The following ZNF423 variants were observed in gnomAD, a reference collection of about 807,000 sequenced individuals.
The protein encoded by ZNF423 is Ebf-associated zinc finger protein.
ZNF423 carries 12 observed loss-of-function variants against 95.8 expected under a neutral mutation model. The observed-to-expected ratio is 0.13, with a 90% CI of 0.08 to 0.20. The LOEUF (loss-of-function observed/expected upper bound fraction) is 0.20. Among genes scored for constraint, ZNF423 ranks in the 10% least tolerant of loss-of-function variants. The probability of loss-of-function intolerance (pLI) is 1.00; values close to 1 mark genes in which losing one functional copy is unlikely to be tolerated. For synonymous variants in ZNF423, 749 were observed against 711.9 expected, an observed-to-expected ratio of 1.05 and a Z score of -0.83; for missense variants, 1,316 against 1,737.1, an observed-to-expected ratio of 0.76 and a Z score of 4.31.
chr16:49,859,024 G>A (rs2035403107), upstream of ZNF423, among the ~76,000 whole-genome samples: 1 of 152,214 alleles, frequency 6.6e-6, no homozygotes, highest in Admixed American at 6.5e-5. Flanking sequence ...GCCCGCCCAG[G>A]CTTTCTGGGG....
intron 7 of ZNF423, among the ~76,000 whole-genome samples, chr16:49,495,229 A>T (rs1259888755): frequency 6.6e-6 from 1 of 152,236 alleles, no homozygotes; most frequent in Non-Finnish European, 1.5e-5. Context: ...CCATCCACTC[A>T]GCAGAGCTCG....
intron 5 of ZNF423, among the ~76,000 whole-genome samples, chr16:49,567,999 G>A (rs1473996723): frequency 6.6e-6 from 1 of 152,184 alleles, no homozygotes; most frequent in Non-Finnish European, 1.5e-5. Context: ...CACCATCAGA[G>A]AATAATGGCA....
At chr16:49,805,042 G>A (rs1190751675) in intron 1 of ZNF423, among the ~76,000 whole-genome samples, 2 of 151,794 alleles carry the variant, frequency 1.3e-5, no homozygotes, top group Non-Finnish European at 2.9e-5. Context: ...TGGGATTACA[G>A]GTGCCCACCA....
intron 5 of ZNF423, among the ~76,000 whole-genome samples, chr16:49,544,736 TGG>T (rs1969381811): frequency 6.6e-6 from 1 of 152,242 alleles, no homozygotes; most frequent in South Asian, 2.1e-4. Context: ...AGCCAGGTGC[TGG>T]CATGCAGCAG....
At chr16:49,541,270 A>G (rs1969235422) in intron 5 of ZNF423, among the ~76,000 whole-genome samples, 1 of 152,344 alleles carries the variant, frequency 6.6e-6, no homozygotes, top group African/African-American at 2.4e-5. Flanking sequence ...CTAGAGACAA[A>G]CAACATTTAG....
intron 2 of ZNF423, among the ~76,000 whole-genome samples, chr16:49,746,646 T>G (rs997268358): frequency 2.0e-5 from 3 of 151,866 alleles, no homozygotes; most frequent in African/African-American, 7.3e-5. Flanking sequence ...CCTGGCTAAT[T>G]TTTGCATTTT....
chr16:49,601,379 G>A (rs1212816989), intron 5 of ZNF423, among the ~76,000 whole-genome samples: 1 of 152,210 alleles, frequency 6.6e-6, no homozygotes, highest in African/African-American at 2.4e-5. Flanking sequence ...AGAATTAAGT[G>A]TTTAGAACAG....
chr16:49,717,457 C>T (rs1461157146), intron 3 of ZNF423, among the ~76,000 whole-genome samples: 1 of 152,230 alleles, frequency 6.6e-6, no homozygotes, highest in South Asian at 2.1e-4. Flanking sequence ...TCCATCCCCA[C>T]TTCTTCTGCT....
intron 2 of ZNF423, among the ~76,000 whole-genome samples, chr16:49,783,830 C>T (rs532844757): frequency 6.6e-5 from 10 of 151,796 alleles, no homozygotes; most frequent in African/African-American, 1.2e-4. Context: ...ATTAGCTGGG[C>T]GTGATGGCAC....
intron 5 of ZNF423, among the ~76,000 whole-genome samples, chr16:49,565,556 G>C (rs1226777395): frequency 6.6e-6 from 1 of 152,176 alleles, no homozygotes; most frequent in Non-Finnish European, 1.5e-5. Flanking sequence ...TCAGCTTTGT[G>C]GAAGCCCTCC....
intron 3 of ZNF423, among the ~76,000 whole-genome samples, chr16:49,718,745 T>C (rs918705937): frequency 1.3e-5 from 2 of 152,170 alleles, no homozygotes; most frequent in African/African-American, 4.8e-5. Flanking sequence ...CGTCCTCACA[T>C]GGTGGAAGGA....
intron 5 of ZNF423, among the ~76,000 whole-genome samples, chr16:49,574,993 C>G (rs1354825782): frequency 1.3e-5 from 2 of 152,160 alleles, no homozygotes; most frequent in African/African-American, 4.8e-5. Flanking sequence ...AGATGCCCGG[C>G]CCTGCCCATG....
intron 2 of ZNF423, among the ~76,000 whole-genome samples, chr16:49,746,851 C>T (rs1207218278): frequency 6.6e-6 from 1 of 152,200 alleles, no homozygotes; most frequent in African/African-American, 2.4e-5. Flanking sequence ...CCCATCTACC[C>T]GAAGCAGCAC....
chr16:49,509,204 T>C (rs1345877936), intron 7 of ZNF423, among the ~76,000 whole-genome samples: 1 of 152,182 alleles, frequency 6.6e-6, no homozygotes, highest in Non-Finnish European at 1.5e-5. Flanking sequence ...GGCCCTGTCC[T>C]AGGATGACTA....
intron 3 of ZNF423, among the ~76,000 whole-genome samples, chr16:49,698,641 G>A (rs923345389): frequency 2.6e-5 from 4 of 152,158 alleles, no homozygotes; most frequent in Admixed American, 1.3e-4. Flanking sequence ...ACCTCGGCCT[G>A]GCAAGCGGTG....
intron 3 of ZNF423, among the ~76,000 whole-genome samples, chr16:49,706,888 G>A (rs1287778476): frequency 6.6e-6 from 1 of 152,154 alleles, no homozygotes; most frequent in Non-Finnish European, 1.5e-5. Flanking sequence ...GGTGGTCCCA[G>A]GACCCATGAC....
intron 5 of ZNF423, among the ~76,000 whole-genome samples, chr16:49,607,377 G>A (rs549626740): frequency 1.3e-5 from 2 of 152,300 alleles, no homozygotes; most frequent in Admixed American, 1.3e-4. Flanking sequence ...AAGGATTCAT[G>A]TTATCAGTAG....
At chr16:49,825,193 G>A (rs182826387) in intron 1 of ZNF423, among the ~76,000 whole-genome samples, 14 of 152,060 alleles carry the variant, frequency 9.2e-5, no homozygotes, top group Admixed American at 3.3e-4. Flanking sequence ...ATGCTGCTCC[G>A]ACATCCTGTG....
intron 1 of ZNF423, among the ~76,000 whole-genome samples, chr16:49,814,707 T>A (rs1304643376): frequency 6.6e-6 from 1 of 151,022 alleles, no homozygotes; most frequent in Non-Finnish European, 1.5e-5. Context: ...AAAAAAAAAA[T>A]TAATCCGCAA....
Sources: allele counts gnomAD v4.1 joint callset (sites outside exome capture counted in the v4.1 genomes callset), GRCh38; gene constraint gnomAD v4.1.1; transcripts MANE v1.5; gene names NCBI Gene and HGNC (gene_info 2026-07-23, HGNC 2026-07-21).